The following DCAF6 variants were observed in gnomAD, a reference collection of about 807,000 sequenced individuals.
DCAF6 encodes DDB1- and CUL4-associated factor 6.
In DCAF6, 54 loss-of-function variants were observed where a neutral mutation model predicts 125.1. That is an observed-to-expected ratio of 0.43 (90% CI 0.35 to 0.54). DCAF6 has a LOEUF of 0.54. DCAF6 is among the 20% of genes least tolerant of loss of function. The probability of loss-of-function intolerance (pLI) is 0.01; values close to 1 mark genes in which losing one functional copy is unlikely to be tolerated. For missense variants in DCAF6, 934 were observed against 1,161.7 expected (o/e 0.80, Z 2.85); for synonymous variants, 371 against 390.4 (o/e 0.95, Z 0.58).
chr1:167,877,381 C>T, the DCAF6 span, among the ~76,000 whole-genome samples: 2 of 151,660 alleles, frequency 1.3e-5, no homozygotes, highest in Non-Finnish European at 1.5e-5. Flanking sequence ...AAGCACAGTG[C>T]TAAGCCTCAG....
At chr1:168,065,536 CT>C in intron 18 of DCAF6, 53 bp from the exon 19 acceptor site, 1 of 1,278,128 alleles carries the variant, frequency 7.8e-7, no homozygotes, top group Non-Finnish European at 1.1e-6. Context: ...TAGCATAAAT[CT>C]TTGTTTTAAT....
chr1:167,944,226 A>G lies in DCAF6; in HGVS notation c.97+7218A>G, dbSNP rs550966688. 5.3e-5 allele frequency among the ~76,000 whole-genome samples: 8 copies of G among 152,322 alleles called. No individual in the cohort carries two copies. In the East Asian group the frequency reaches 5.8e-4, roughly 11 times the overall value. The stretch of plus-strand genomic sequence containing the variant: ...TTTACCTGTTCATCCATTGATGGAC[A>G]CTTAGGTTGATTCCATATCTTTGCT... On this transcript the variant is annotated intron_variant, in intron 1 of 21. Transcript: ENST00000367840.
intron 1 of DCAF6, among the ~76,000 whole-genome samples, chr1:167,948,539 GAATA>G (rs1673439328): frequency 6.6e-6 from 1 of 152,090 alleles, no homozygotes; most frequent in South Asian, 2.1e-4. Flanking sequence ...ATAGGTATGT[GAATA>G]AATAACTTAC....
chr1:168,003,046 A>G (rs1301985735), intron 8 of DCAF6, among the ~76,000 whole-genome samples: 2 of 152,244 alleles, frequency 1.3e-5, no homozygotes, highest in African/African-American at 2.4e-5. Context: ...ATGAATTATA[A>G]TTCTATATTA....
intron 17 of DCAF6, among the ~76,000 whole-genome samples, chr1:168,055,274 C>A (rs1382354842): frequency 1.5e-5 from 2 of 137,582 alleles, no homozygotes; most frequent in Non-Finnish European, 3.0e-5. Context: ...GGATAGCTAT[C>A]CTATGTTTGT....
chr1:168,050,059 A>G (rs533715656), intron 16 of DCAF6, among the ~76,000 whole-genome samples: 88 of 110,112 alleles, frequency 8.0e-4, no homozygotes, highest in African/African-American at 3.8e-3. Context: ...AACCTAAATT[A>G]CTCTCTGAAA....
chr1:167,980,981 A>C (rs1381978411), intron 4 of DCAF6, among the ~76,000 whole-genome samples: 4 of 139,710 alleles, frequency 2.9e-5, no homozygotes, highest in Non-Finnish European at 6.0e-5. Context: ...ATCGTGGCTC[A>C]CTGCACCCTC....
the DCAF6 span, among the ~76,000 whole-genome samples, chr1:167,870,638 C>CAAAAAAAAAA: frequency 8.5e-5 from 8 of 93,610 alleles, no homozygotes; most frequent in Non-Finnish European, 1.4e-4. Context: ...ACTGAAAATA[C>CAAAAAAAAAA]AAAAAAAAAA....
chr1:167,993,105 G>A (rs866592053), intron 6 of DCAF6, 121 bp from the exon 7 acceptor site: 4 of 876,062 alleles, frequency 4.6e-6, no homozygotes, highest in African/African-American at 1.7e-5. Context: ...GGAAATAAAC[G>A]TGATGGCTTT....
chr1:168,013,662 T>TTC (rs1274517303), intron 10 of DCAF6, among the ~76,000 whole-genome samples: 1 of 152,126 alleles, frequency 6.6e-6, no homozygotes, highest in African/African-American at 2.4e-5. Context: ...AGCATCATCT[T>TTC]TCTCTCTCCT....
intron 5 of DCAF6, among the ~76,000 whole-genome samples, chr1:167,988,904 C>A (rs1471414074): frequency 1.1e-4 from 17 of 151,864 alleles, no homozygotes; most frequent in Admixed American, 9.2e-4. Context: ...CATAGTGAAA[C>A]CCTGTCTCTA....
chr1:167,946,733 G>T (rs1673151055), intron 1 of DCAF6, among the ~76,000 whole-genome samples: 1 of 152,112 alleles, frequency 6.6e-6, no homozygotes, highest in Non-Finnish European at 1.5e-5. Context: ...CTTGATCATG[G>T]TGTATTATCT....
At chr1:167,964,941 C>G (rs1384052274) in intron 2 of DCAF6, among the ~76,000 whole-genome samples, 1 of 152,208 alleles carries the variant, frequency 6.6e-6, no homozygotes, top group Non-Finnish European at 1.5e-5. Flanking sequence ...TCTCTTCTTA[C>G]ATGCTGTCTA....
intron 4 of DCAF6, among the ~76,000 whole-genome samples, chr1:167,982,986 A>G (rs1007979031): frequency 6.6e-6 from 1 of 151,796 alleles, no homozygotes; most frequent in African/African-American, 2.4e-5. Context: ...GTGTGGCTTT[A>G]TTTCTGGGTT....
intron 2 of DCAF6, among the ~76,000 whole-genome samples, chr1:167,963,704 C>T (rs1000540323): frequency 2.8e-4 from 42 of 152,152 alleles, no homozygotes; most frequent in African/African-American, 9.7e-4. Context: ...GCTGGGATTA[C>T]AGGTGTGAGT....
chr1:168,055,721 TTATCTA>T (rs1433745286), intron 17 of DCAF6, among the ~76,000 whole-genome samples: 1 of 90,430 alleles, frequency 1.1e-5, no homozygotes, highest in African/African-American at 6.9e-5. Context: ...CATATTATAT[TTATCTA>T]TAATCATTAG....
At chr1:167,918,330 T>A in the DCAF6 span, 1 of 1,568,540 alleles carries the variant, frequency 6.4e-7, no homozygotes, top group Non-Finnish European at 8.8e-7. Context: ...CTTTTATTTG[T>A]GTGCTTTAGC....
chr1:167,917,867 T>G, the DCAF6 span: 5 of 152,768 alleles, frequency 3.3e-5, no homozygotes, highest in South Asian at 2.1e-4. Context: ...AGTTAAAATG[T>G]TTTTAAATAG....
rs1040062140 is a variant in DCAF6, at chr1:167,966,569, A to G, written c.160-60A>G. 4 of 1,097,744 alleles carry G rather than the reference A, an allele frequency of 3.6e-6. No homozygotes were observed. In the African/African-American group the frequency reaches 6.2e-5, roughly 17 times the overall value. 68.0% of individuals were successfully genotyped at this position (1,097,744 alleles called of 1,614,324 possible). On this transcript the variant is annotated intron_variant, in intron 2 of 21. Transcript: ENST00000367840. Reference sequence around the variant, plus strand: ...AATTTTGTACCGCCAGGTGAGTGAAAGATGGCATATTTTCTTTTATGTCCA... The same window carrying G: ...AATTTTGTACCGCCAGGTGAGTGAAGGATGGCATATTTTCTTTTATGTCCA...
Sources: allele counts gnomAD v4.1 joint callset (sites outside exome capture counted in the v4.1 genomes callset), GRCh38; gene constraint gnomAD v4.1.1; transcripts MANE v1.5; gene names NCBI Gene and HGNC (gene_info 2026-07-23, HGNC 2026-07-21).